Variants in VSTM2L observed in about 807,000 individuals in gnomAD.
VSTM2L encodes the protein V-set and transmembrane domain-containing protein 2-like protein.
Under a neutral mutation model 19.9 loss-of-function variants are expected in VSTM2L, and 9 were observed. The observed-to-expected ratio is 0.45, with a 90% CI of 0.27 to 0.79. The LOEUF is 0.79. Ranked by LOEUF, VSTM2L falls within the 30% of genes least tolerant of loss-of-function variation. The pLI, the probability that VSTM2L is intolerant of heterozygous loss-of-function variation, is 0.15. For missense variants in VSTM2L, 286 were observed against 295.5 expected, an observed-to-expected ratio of 0.97 and a Z score of 0.24; for synonymous variants, 127 against 133.8, an observed-to-expected ratio of 0.95 and a Z score of 0.35.
intron 1 of VSTM2L, among the ~76,000 whole-genome samples, chr20:37,928,887 G>A (rs190502379): frequency 3.0e-4 from 46 of 152,330 alleles, no homozygotes; most frequent in Non-Finnish European, 5.1e-4. Flanking sequence ...GCCATTACCT[G>A]CAAGTGGCTA....
rs1236675979 is a variant in VSTM2L at position 37,915,729 on chromosome 20, A to AGGGGCT, written c.121+12270_121+12275dup. The stretch of plus-strand genomic sequence containing the variant: ...GCAGACACGATTGGGCAGGGGTGGC[A>AGGGGCT]GGGGCTGGGGCTGGGGCATGTACTA... On this transcript the variant is annotated intron_variant, in intron 1 of 3. Coordinates refer to ENST00000373461, the MANE Select transcript of VSTM2L (RefSeq NM_080607.3). 7.5e-5 allele frequency among the ~76,000 whole-genome samples: 11 copies of AGGGGCT among 146,064 alleles called. No individual in the cohort carries two copies. In the East Asian group the frequency reaches 2.2e-3, roughly 29 times the overall value.
intron 2 of VSTM2L, among the ~76,000 whole-genome samples, chr20:37,933,213 C>T (rs905466148): frequency 3.3e-5 from 5 of 152,242 alleles, no homozygotes; most frequent in Non-Finnish European, 7.3e-5. Context: ...CTCCTAGCAA[C>T]ATACCAAGCC....
chr20:37,940,322 A>G (rs1220183832), intron 3 of VSTM2L, among the ~76,000 whole-genome samples: 1 of 152,226 alleles, frequency 6.6e-6, no homozygotes, highest in Non-Finnish European at 1.5e-5. Flanking sequence ...CCAGAGGGGC[A>G]GCTGGGAGGG....
intron 3 of VSTM2L, among the ~76,000 whole-genome samples, chr20:37,942,324 A>G (rs889181091): frequency 6.6e-6 from 1 of 152,206 alleles, no homozygotes; most frequent in African/African-American, 2.4e-5. Flanking sequence ...TCAACTAAAA[A>G]TACAAAAATT....
intron 3 of VSTM2L, among the ~76,000 whole-genome samples, chr20:37,941,301 G>T (rs1377017310): frequency 6.6e-6 from 1 of 152,168 alleles, no homozygotes; most frequent in African/African-American, 2.4e-5. Context: ...GGGACAGGGG[G>T]TCAATTTCTT....
intron 1 of VSTM2L, among the ~76,000 whole-genome samples, chr20:37,910,134 C>A (rs1162167515): frequency 6.6e-6 from 1 of 152,222 alleles, no homozygotes; most frequent in Admixed American, 6.5e-5. Flanking sequence ...AAACCTCTTA[C>A]ATTTTAATAG....
intron 1 of VSTM2L, among the ~76,000 whole-genome samples, chr20:37,929,716 G>A (rs59830494): frequency 0.31 from 46,805 of 151,988 alleles, 7,551 homozygotes; most frequent in African/African-American, 0.38. Flanking sequence ...CAGGAAGGCA[G>A]TGGAGGTGGG....
chr20:37,908,674 G>A (rs1000886567), intron 1 of VSTM2L, among the ~76,000 whole-genome samples: 9 of 152,068 alleles, frequency 5.9e-5, no homozygotes, highest in South Asian at 2.1e-4. Context: ...GCATGGGTAC[G>A]CACCTGTAGT....
intron 1 of VSTM2L, among the ~76,000 whole-genome samples, chr20:37,904,212 T>C (rs892962690): frequency 2.0e-5 from 3 of 152,166 alleles, no homozygotes; most frequent in Admixed American, 6.5e-5. Flanking sequence ...ACCGGAGTAG[T>C]TGGGGTTGCT....
intron 1 of VSTM2L, among the ~76,000 whole-genome samples, chr20:37,922,295 G>A (rs1414163151): frequency 6.6e-6 from 1 of 152,078 alleles, no homozygotes; most frequent in Non-Finnish European, 1.5e-5. Flanking sequence ...GTTTCATTCA[G>A]CATAATGTCC....
At chr20:37,924,047 G>T (rs2072866629) in intron 1 of VSTM2L, among the ~76,000 whole-genome samples, 1 of 152,008 alleles carries the variant, frequency 6.6e-6, no homozygotes, top group Admixed American at 6.6e-5. Flanking sequence ...AACAAGCCTG[G>T]GCAAGATAGC....
rs1187275501 is a variant in VSTM2L, at chr20:37,945,253, TG to T, written c.*1003del. On this transcript the variant is annotated 3_prime_UTR_variant, in exon 4 of 4. Transcript: ENST00000373461. ...CAGCTCAGTGATGACGTGGGGGAGG[TG>T]GGAGAGGCCGAGGGCTTTGCCTAGG... 1.8e-4 allele frequency: 177 copies of T among 984,962 alleles called. No individual in the cohort carries two copies. Among genetic ancestry groups the T allele is most frequent in the Non-Finnish European group, 2.0e-4 (169 of 829,936 alleles). 61.0% of individuals were successfully genotyped at this position (984,962 alleles called of 1,614,324 possible).
At position 37,933,517 on chromosome 20, in the gene VSTM2L, C is replaced by T. The variant is rs775568495; in HGVS notation, c.292-22C>T. 38 of 1,612,270 alleles carry T rather than the reference C, an allele frequency of 2.4e-5. No homozygotes were observed. In the Admixed American group the frequency reaches 3.8e-4, roughly 16 times the overall value. On this transcript the variant is annotated intron_variant, in intron 2 of 3. Transcript: ENST00000373461. The stretch of plus-strand genomic sequence containing the variant: ...GCTAACACCTTGTCTCTGCTCTCTC[C>T]GCCCCTCCCCGATCCCAACAGCTAA...
intron 1 of VSTM2L, among the ~76,000 whole-genome samples, chr20:37,923,016 A>G (rs1187127249): frequency 2.0e-5 from 3 of 152,186 alleles, no homozygotes; most frequent in African/African-American, 7.2e-5. Context: ...GGTGAGAGAA[A>G]GGAGTGCTGT....
Position 37,945,157 on chromosome 20 carries a change from C to T in VSTM2L, c.*904C>T. On this transcript the variant is annotated 3_prime_UTR_variant, in exon 4 of 4. Coordinates refer to ENST00000373461, the MANE Select transcript of VSTM2L (RefSeq NM_080607.3). ...GATTCCCGATCACGGGCACACCTGC[C>T]CCCTGGTTATTTGTAAATATTTCTA... 1 of 985,600 alleles carries T rather than the reference C, an allele frequency of 1.0e-6. No individual in the cohort carries two copies. Among genetic ancestry groups the T allele is most frequent in the Non-Finnish European group, 1.2e-6 (1 of 829,908 alleles). 61.1% of individuals were successfully genotyped at this position (985,600 alleles called of 1,614,324 possible). A position where few individuals can be genotyped will look rare whatever the true frequency, so the allele number is the denominator to read the frequency against.
intron 1 of VSTM2L, among the ~76,000 whole-genome samples, chr20:37,904,295 G>T (rs1372793582): frequency 2.0e-5 from 3 of 152,212 alleles, no homozygotes; most frequent in Admixed American, 6.5e-5. Context: ...CTGGGGATGG[G>T]CAGGAAGCCG....
chr20:37,906,371 G>C (rs186265915), intron 1 of VSTM2L, among the ~76,000 whole-genome samples: 5 of 152,348 alleles, frequency 3.3e-5, no homozygotes, highest in Admixed American at 2.0e-4. Context: ...GTGATGGTCC[G>C]TGTCTGCACC....
rs1483036774 is a variant in VSTM2L at position 37,945,192 on chromosome 20, A to G, written c.*939A>G. Reference sequence around the variant, plus strand: ...TTTGTAAATATTTCTATTGGACCCAATTCTCCTCGGAATTGGCTGGCACCT... The same window carrying G: ...TTTGTAAATATTTCTATTGGACCCAGTTCTCCTCGGAATTGGCTGGCACCT... On this transcript the variant is annotated 3_prime_UTR_variant, in exon 4 of 4. Coordinates refer to ENST00000373461, the MANE Select transcript of VSTM2L (RefSeq NM_080607.3). 2.0e-6 allele frequency: 2 copies of G among 985,328 alleles called. No homozygotes were observed. The highest frequency in any genetic ancestry group is 2.4e-6 in the Non-Finnish European group (2 of 829,922). 61.0% of individuals were successfully genotyped at this position (985,328 alleles called of 1,614,324 possible).
Position 37,945,083 on chromosome 20 carries a change from G to C in VSTM2L, c.*830G>C. On this transcript the variant is annotated 3_prime_UTR_variant, in exon 4 of 4. Coordinates refer to ENST00000373461, the MANE Select transcript of VSTM2L (RefSeq NM_080607.3). ...GGTCCTGTGCCAAGTCCGCCCCAGG[G>C]CCTGGGGCTGTTGGGAGCCAAGGGC... 1 of 985,768 alleles carries C rather than the reference G, an allele frequency of 1.0e-6. No individual in the cohort carries two copies. Among genetic ancestry groups the C allele is most frequent in the East Asian group, 1.1e-4 (1 of 8,778 alleles). The allele number at this position is 985,768 out of a possible 1,614,324, so 61.1% of individuals were successfully genotyped here. A position where few individuals can be genotyped will look rare whatever the true frequency, so the allele number is the denominator to read the frequency against.
Sources: allele counts gnomAD v4.1 joint callset (sites outside exome capture counted in the v4.1 genomes callset), GRCh38; gene constraint gnomAD v4.1.1; transcripts MANE v1.5; gene names NCBI Gene and HGNC (gene_info 2026-07-23, HGNC 2026-07-21).